The following ARHGEF3 variants were observed in gnomAD, a reference collection of about 807,000 sequenced individuals.
The protein encoded by ARHGEF3 is Rho guanine nucleotide exchange factor 3, also known as 59.8 kDA protein.
A neutral mutation model predicts 63.2 loss-of-function variants in ARHGEF3; 28 were observed. The ratio of observed to expected loss-of-function variants is 0.44; its 90% CI spans 0.33 to 0.61. The LOEUF (loss-of-function observed/expected upper bound fraction) is 0.61, where lower values mean the gene tolerates loss of function less well. Among genes scored for constraint, ARHGEF3 ranks in the 20% least tolerant of loss-of-function variants. The pLI, the probability that ARHGEF3 is intolerant of heterozygous loss-of-function variation, is 0.03. For missense variants in ARHGEF3, 533 were observed against 659.3 expected, an observed-to-expected ratio of 0.81 and a Z score of 2.10; for synonymous variants, 266 against 254.2, an observed-to-expected ratio of 1.05 and a Z score of -0.44.
At chr3:57,002,510 A>ATG (rs1560123114) in intron 2 of ARHGEF3, among the ~76,000 whole-genome samples, 1 of 96,988 alleles carries the variant, frequency 1.0e-5, no homozygotes, top group African/African-American at 3.8e-5. Context: ...ATATATATAT[A>ATG]TATGTTATAT....
intron 4 of ARHGEF3, among the ~76,000 whole-genome samples, chr3:56,844,021 T>C (rs1173488668): frequency 3.3e-5 from 5 of 152,166 alleles, no homozygotes; most frequent in Admixed American, 3.3e-4. Context: ...ATGAAGAGAA[T>C]AATATCTACC....
rs149344852 is a variant in ARHGEF3 at position 56,860,317 on chromosome 3, G to A, written c.192+21975C>T. On this transcript the variant is annotated intron_variant, in intron 4 of 12. Transcript: ENST00000338458. ...CTTAGCTTCCTGAGTAGTGTGCTGA[G>A]ACTACAGGTGTGTGCAACCATGGCC... Among the ~76,000 whole-genome samples, 31 of 152,114 alleles carry A rather than the reference G, an allele frequency of 2.0e-4. No individual in the cohort carries two copies. In the East Asian group the frequency reaches 5.8e-3, roughly 29 times the overall value.
chr3:56,766,246 C>G (rs893609648), intron 2 of ARHGEF3, among the ~76,000 whole-genome samples: 4 of 152,186 alleles, frequency 2.6e-5, no homozygotes, highest in Non-Finnish European at 2.9e-5. Context: ...ATCCAAATAA[C>G]ATTAATGGAG....
At chr3:56,982,431 C>A (rs1441916363) in intron 2 of ARHGEF3, among the ~76,000 whole-genome samples, 1 of 151,952 alleles carries the variant, frequency 6.6e-6, no homozygotes, top group African/African-American at 2.4e-5. Flanking sequence ...TGTAATGGAG[C>A]GAAACCCCTC....
In ARHGEF3 at chr3:57,007,351, G is replaced by A. The variant is rs1331702746; in HGVS notation, c.62+27737C>T. The A allele has an allele frequency of 2.3e-6, 3 of 1,289,782 alleles. No homozygotes were observed. The Admixed American group carries it at 6.9e-5, about 30-fold the overall frequency. The allele number at this position is 1,289,782 out of a possible 1,614,324, so 79.9% of individuals were successfully genotyped here. ...CTCCAACAGCCCTGAAGGAAAGACA[G>A]CCATGAAACAGTCACCACTGCACGT... On this transcript the variant is annotated intron_variant, in intron 2 of 12. Transcript: ENST00000338458.
chr3:56,964,713 C>T (rs1256495929), intron 2 of ARHGEF3, among the ~76,000 whole-genome samples: 2 of 152,044 alleles, frequency 1.3e-5, no homozygotes, highest in Non-Finnish European at 2.9e-5. Flanking sequence ...AGGAGTGCCG[C>T]AGGGTCTCGA....
chr3:56,912,759 A>C (rs2041885617), intron 3 of ARHGEF3, among the ~76,000 whole-genome samples: 1 of 152,210 alleles, frequency 6.6e-6, no homozygotes, highest in South Asian at 2.1e-4. Context: ...AAGACTCAAA[A>C]ATTATTCTTT....
intron 3 of ARHGEF3, among the ~76,000 whole-genome samples, chr3:56,905,634 A>G (rs1041464207): frequency 6.6e-6 from 1 of 152,216 alleles, no homozygotes; most frequent in African/African-American, 2.4e-5. Context: ...AAGTTTGCTA[A>G]ACATTGCCAA....
At chr3:56,971,687 T>C (rs12637108) in intron 2 of ARHGEF3, among the ~76,000 whole-genome samples, 55,031 of 150,830 alleles carry the variant, frequency 0.36, 12,006 homozygotes, top group Non-Finnish European at 0.48. Flanking sequence ...TCATCTCTAC[T>C]AAAAATACAA....
intron 2 of ARHGEF3, among the ~76,000 whole-genome samples, chr3:56,995,661 GAGAGA>G (rs1701953551): frequency 7.8e-6 from 1 of 128,654 alleles, no homozygotes; most frequent in African/African-American, 2.8e-5. Context: ...GAGAGAGAGA[GAGAGA>G]GAGAGAATTT....
At position 56,761,115 on chromosome 3, in the gene ARHGEF3, GAAT is replaced by G. The variant is rs150038175; in HGVS notation, c.205-5967_205-5965del. ...AGCAAGACCCTGTCTCTATAAAAAA[GAAT>G]AATAATAAAAGAATACCAAACCAGT... On this transcript the variant is annotated intron_variant, in intron 2 of 9. Coordinates refer to ENST00000296315, the MANE Select transcript of ARHGEF3 (RefSeq NM_019555.3). 4.2e-3 allele frequency among the ~76,000 whole-genome samples: 635 copies of G among 152,194 alleles called. 5 individuals carry two copies. Among genetic ancestry groups the G allele is most frequent in the African/African-American group, 0.014 (576 of 41,540 alleles).
At chr3:56,994,990 T>C (rs1313971395) in intron 2 of ARHGEF3, among the ~76,000 whole-genome samples, 1 of 152,140 alleles carries the variant, frequency 6.6e-6, no homozygotes, top group South Asian at 2.1e-4. Flanking sequence ...CCATGTAAGA[T>C]GTGCCATGCC....
At chr3:56,933,216 G>C (rs979323697) in intron 3 of ARHGEF3, among the ~76,000 whole-genome samples, 19 of 152,118 alleles carry the variant, frequency 1.2e-4, no homozygotes, top group African/African-American at 4.3e-4. Flanking sequence ...TCATTCAATA[G>C]CTTTTTGCAC....
chr3:57,066,736 A>G (rs1412862730), intron 1 of ARHGEF3, among the ~76,000 whole-genome samples: 5 of 152,224 alleles, frequency 3.3e-5, no homozygotes, highest in Admixed American at 2.6e-4. Context: ...CAGTGGACTT[A>G]GAGTAAAGCA....
chr3:56,729,570 G>A lies in ARHGEF3; in HGVS notation c.1281C>T (p.His427=), dbSNP rs373162181. 15 of 1,612,262 alleles carry A rather than the reference G, an allele frequency of 9.3e-6. No individual in the cohort carries two copies. Among genetic ancestry groups the A allele is most frequent in the Non-Finnish European group, 1.2e-5 (14 of 1,178,644 alleles). The change falls in exon 10 of 10, where the codon CAC becomes CAT. Residue 427 remains histidine, a synonymous_variant. Coordinates refer to ENST00000296315, the MANE Select transcript of ARHGEF3 (RefSeq NM_019555.3). ...SFKNGSQSQT[H]SLQANDTFNK... is the part of the protein sequence containing the mutation. Reference sequence around the variant, plus strand: ...TGAAAGTGTCATTGGCTTGTAGCGAGTGGGTCTGACTTTGGGATCCATTTT... The same window carrying A: ...TGAAAGTGTCATTGGCTTGTAGCGAATGGGTCTGACTTTGGGATCCATTTT...
chr3:57,042,700 A>ATAT (rs1704272727), intron 1 of ARHGEF3, among the ~76,000 whole-genome samples: 4 of 66,116 alleles, frequency 6.0e-5, no homozygotes, highest in Non-Finnish European at 8.6e-5. Flanking sequence ...ATATATATAT[A>ATAT]TTTTTTTTTT....
intron 7 of ARHGEF3, among the ~76,000 whole-genome samples, chr3:56,738,820 GT>G (rs1419363650): frequency 1.1e-4 from 16 of 152,156 alleles, no homozygotes; most frequent in Admixed American, 7.2e-4. Flanking sequence ...GCCAGGCACG[GT>G]GGCTCATGCC....
At chr3:56,986,184 G>T (rs537216485) in intron 2 of ARHGEF3, among the ~76,000 whole-genome samples, 3 of 152,158 alleles carry the variant, frequency 2.0e-5, no homozygotes, top group African/African-American at 7.2e-5. Context: ...AACCTAAAGA[G>T]CCCAACAAAA....
At chr3:56,870,960 A>T (rs2040415043) in intron 4 of ARHGEF3, among the ~76,000 whole-genome samples, 1 of 152,194 alleles carries the variant, frequency 6.6e-6, no homozygotes, top group African/African-American at 2.4e-5. Flanking sequence ...GTTGAAAATT[A>T]AAATAAAAAC....
Sources: gnomAD v4.1 joint callset for allele counts (sites outside exome capture counted in the v4.1 genomes callset) on GRCh38, gnomAD v4.1.1 for gene constraint, MANE v1.5 for transcripts, NCBI Gene and HGNC (gene_info 2026-07-23, HGNC 2026-07-21) for gene names.